NGEF: variants seen among roughly 807,000 people sequenced by gnomAD.
The protein encoded by NGEF is neuronal guanine nucleotide exchange factor, also known as ephexin-1.
In NGEF, 31 loss-of-function variants were observed where a neutral mutation model predicts 80.9. That is an observed-to-expected ratio of 0.38 (90% CI 0.29 to 0.52). The LOEUF (loss-of-function observed/expected upper bound fraction) is 0.52. Ranked by LOEUF, NGEF falls within the 20% of genes least tolerant of loss-of-function variation. The probability of loss-of-function intolerance (pLI) is 0.84; values close to 1 mark genes in which losing one functional copy is unlikely to be tolerated. For synonymous variants in NGEF, 371 were observed against 370.2 expected, an observed-to-expected ratio of 1.00 and a Z score of -0.03; for missense variants, 709 against 926.2, an observed-to-expected ratio of 0.77 and a Z score of 3.04.
chr2:232,967,401 C>G (rs1694083600), intron 3 of NGEF, among the ~76,000 whole-genome samples: 1 of 152,116 alleles, frequency 6.6e-6, no homozygotes, highest in African/African-American at 2.4e-5. Context: ...GTGGCATGAT[C>G]TCAGCTCACT....
intron 9 of NGEF, among the ~76,000 whole-genome samples, chr2:232,887,181 A>G (rs574344920): frequency 5.9e-5 from 9 of 152,328 alleles, no homozygotes; most frequent in African/African-American, 2.2e-4. Context: ...GCTCTCCACC[A>G]TGACGGCGTC....
intron 5 of NGEF, among the ~76,000 whole-genome samples, chr2:232,911,314 C>T (rs533889466): frequency 6.6e-6 from 1 of 152,096 alleles, no homozygotes; most frequent in South Asian, 2.1e-4. Context: ...ATCAATCAAC[C>T]ATACTTGTTG....
chr2:232,881,101 G>A, intron 14 of NGEF, 45 bp downstream of exon 14: 1 of 1,508,684 alleles, frequency 6.6e-7, no homozygotes. Context: ...TCCCTTGTGG[G>A]GCAAGTTCCC....
intron 8 of NGEF, chr2:232,890,957 C>A (rs1214947042): frequency 2.1e-6 from 1 of 472,888 alleles, no homozygotes; most frequent in African/African-American, 2.0e-5. Flanking sequence ...GGCCTTTGCA[C>A]AAGCGGTTCC....
intron 1 of NGEF, among the ~76,000 whole-genome samples, chr2:232,983,170 A>T (rs186168206): frequency 7.2e-5 from 11 of 151,886 alleles, no homozygotes; most frequent in African/African-American, 2.7e-4. Context: ...GAAATTCAGA[A>T]ATTGGGGAGC....
At chr2:232,969,311 T>C (rs1694133253) in intron 3 of NGEF, among the ~76,000 whole-genome samples, 1 of 152,060 alleles carries the variant, frequency 6.6e-6, no homozygotes, top group Admixed American at 6.6e-5. Context: ...GGTCTTGCTA[T>C]GTTATCCAGG....
At chr2:233,011,186 C>G (rs1395040409) in intron 1 of NGEF, among the ~76,000 whole-genome samples, 1 of 152,182 alleles carries the variant, frequency 6.6e-6, no homozygotes, top group Non-Finnish European at 1.5e-5. Flanking sequence ...GCCTGAGGGC[C>G]ACCATTGTCC....
At chr2:232,934,362 C>T (rs909765181) in intron 3 of NGEF, among the ~76,000 whole-genome samples, 1 of 151,214 alleles carries the variant, frequency 6.6e-6, no homozygotes, top group Admixed American at 6.6e-5. Context: ...GAAGCTATTC[C>T]TTTTATGCTC....
intron 3 of NGEF, among the ~76,000 whole-genome samples, chr2:232,969,186 A>G (rs1161788071): frequency 6.6e-6 from 1 of 152,228 alleles, no homozygotes; most frequent in Non-Finnish European, 1.5e-5. Context: ...GTAAGATGTC[A>G]TTTTATGAAA....
chr2:232,948,246 C>A (rs899774239), intron 3 of NGEF, among the ~76,000 whole-genome samples: 6 of 151,500 alleles, frequency 4.0e-5, no homozygotes, highest in African/African-American at 1.5e-4. Flanking sequence ...TGGAGTGCAG[C>A]GCGAAATGTT....
chr2:232,971,075 C>T (rs1168517835), intron 2 of NGEF, among the ~76,000 whole-genome samples: 1 of 151,878 alleles, frequency 6.6e-6, no homozygotes, highest in Admixed American at 6.6e-5. Flanking sequence ...TCTGCTCACC[C>T]GGGGGTGGGA....
chr2:232,908,990 G>A (rs1227282706), intron 5 of NGEF, among the ~76,000 whole-genome samples: 3 of 151,966 alleles, frequency 2.0e-5, no homozygotes, highest in Non-Finnish European at 2.9e-5. Flanking sequence ...TGATTCTCTC[G>A]GGTTTTTTAA....
At chr2:232,991,402 C>A (rs1694647290) in intron 1 of NGEF, among the ~76,000 whole-genome samples, 1 of 151,452 alleles carries the variant, frequency 6.6e-6, no homozygotes, top group Non-Finnish European at 1.5e-5. Flanking sequence ...AGCAAAGTTT[C>A]AGAATACAAG....
At chr2:233,011,456 A>G (rs920250468) in intron 1 of NGEF, among the ~76,000 whole-genome samples, 3 of 151,918 alleles carry the variant, frequency 2.0e-5, no homozygotes, top group Non-Finnish European at 4.4e-5. Context: ...CCCCTGGTAG[A>G]GCCAGCAGGC....
intron 1 of NGEF, among the ~76,000 whole-genome samples, chr2:232,979,095 C>G (rs1181735916): frequency 6.6e-6 from 1 of 152,066 alleles, no homozygotes; most frequent in Non-Finnish European, 1.5e-5. Context: ...GACCTGGGTT[C>G]GAATCTCCAT....
intron 5 of NGEF, among the ~76,000 whole-genome samples, chr2:232,907,188 G>GAAAAAAAAAAAAAAAAAAAAAGAA (rs10654316): frequency 1.8e-5 from 2 of 113,160 alleles, no homozygotes; most frequent in Non-Finnish European, 3.5e-5. Context: ...AGAAAAAAAA[G>GAAAAAAAAAAAAAAAAAAAAAGAA]AAAAAAAAAA....
Position 232,894,758 on chromosome 2 carries a change from C to T in NGEF, c.987G>A (p.Glu329=). The T allele has an allele frequency of 1.3e-6, 2 of 1,579,758 alleles. No homozygotes were observed. The highest frequency in any genetic ancestry group is 1.7e-6 in the Non-Finnish European group (2 of 1,153,110). ...GTGGCTGTCCCCCCCGTCCTCACCGCTCACTGACAGCCAGCACGTCCAGGA... is the reference window on the plus strand; with the variant it reads ...GTGGCTGTCCCCCCCGTCCTCACCGTTCACTGACAGCCAGCACGTCCAGGA... ...SNVLDVLAVS[E]RFLLELEHRM... The change falls in exon 6 of 15, where the codon GAG becomes GAA. Residue 329 remains glutamate (E), a splice_region_variant and synonymous_variant. Transcript: ENST00000264051.
At chr2:232,899,891 T>TTCAC (rs1491306322) in intron 5 of NGEF, among the ~76,000 whole-genome samples, 1 of 90,364 alleles carries the variant, frequency 1.1e-5, no homozygotes, top group African/African-American at 4.6e-5. Flanking sequence ...TTCACTCACA[T>TTCAC]TCACACACAT....
intron 1 of NGEF, among the ~76,000 whole-genome samples, chr2:232,996,083 TGTCA>T (rs1158395497): frequency 6.6e-6 from 1 of 152,036 alleles, no homozygotes; most frequent in Non-Finnish European, 1.5e-5. Context: ...AGGAGAAATG[TGTCA>T]GTGACTCATT....
Sources: allele counts gnomAD v4.1 joint callset (sites outside exome capture counted in the v4.1 genomes callset), GRCh38; gene constraint gnomAD v4.1.1; transcripts MANE v1.5; gene names NCBI Gene and HGNC (gene_info 2026-07-23, HGNC 2026-07-21).